The following VPS13B variants were observed in gnomAD, a reference collection of about 807,000 sequenced individuals.
VPS13B encodes vacuolar protein sorting 13 homolog B, also known as intermembrane lipid transfer protein VPS13B.
In VPS13B, 285 loss-of-function variants were observed where a neutral mutation model predicts 426.4. The observed-to-expected ratio is 0.67, with a 90% confidence interval of 0.61 to 0.74. The LOEUF (loss-of-function observed/expected upper bound fraction) is 0.74, where lower values mean the gene tolerates loss of function less well. Ranked by LOEUF, VPS13B falls within the 30% of genes least tolerant of loss-of-function variation. The pLI is 0.00. For synonymous variants in VPS13B, 1,676 were observed against 1,676.4 expected, an observed-to-expected ratio of 1.00 and a Z score of 0.01; for missense variants, 4,537 against 4,782.6, an observed-to-expected ratio of 0.95 and a Z score of 1.51.
At chr8:99,663,659 A>C (rs1309522709) in intron 35 of VPS13B, among the ~76,000 whole-genome samples, 1 of 152,218 alleles carries the variant, frequency 6.6e-6, no homozygotes, top group Non-Finnish European at 1.5e-5. Context: ...AGAGTTGTTC[A>C]CACATGAAAG....
intron 23 of VPS13B, among the ~76,000 whole-genome samples, chr8:99,450,317 T>C (rs888601814): frequency 1.3e-5 from 2 of 152,226 alleles, no homozygotes; most frequent in African/African-American, 4.8e-5. Context: ...TAATGATTCA[T>C]TGTCTATATT....
At chr8:99,030,841 CTTAAT>C (rs1348110170) in intron 2 of VPS13B, among the ~76,000 whole-genome samples, 1 of 151,992 alleles carries the variant, frequency 6.6e-6, no homozygotes, top group Middle Eastern at 3.2e-3. Context: ...ATTTATTAAT[CTTAAT>C]TTTATTAATT....
At chr8:99,093,681 C>T in intron 3 of VPS13B, among the ~76,000 whole-genome samples, 1 of 152,120 alleles carries the variant, frequency 6.6e-6, no homozygotes. Flanking sequence ...TTTCCAATTT[C>T]ATCCATGTCC....
intron 40 of VPS13B, among the ~76,000 whole-genome samples, chr8:99,770,729 G>T (rs897324069): frequency 6.6e-6 from 1 of 152,178 alleles, no homozygotes; most frequent in Non-Finnish European, 1.5e-5. Flanking sequence ...CACCTTGTGG[G>T]TACCTCCCAC....
intron 21 of VPS13B, 71 bp from the exon 22 acceptor site, chr8:99,431,466 A>AG: frequency 1.3e-6 from 2 of 1,554,428 alleles, no homozygotes; most frequent in Non-Finnish European, 1.8e-6. Flanking sequence ...CAATCTTGAA[A>AG]ATACGTTTGG....
At chr8:99,788,294 A>G (rs901210283) in intron 43 of VPS13B, among the ~76,000 whole-genome samples, 2 of 149,948 alleles carry the variant, frequency 1.3e-5, no homozygotes, top group African/African-American at 4.9e-5. Flanking sequence ...ACATACCTGT[A>G]GTTCTAGCTA....
At chr8:99,803,195 A>G (rs895699059) in intron 43 of VPS13B, among the ~76,000 whole-genome samples, 11 of 152,196 alleles carry the variant, frequency 7.2e-5, no homozygotes, top group African/African-American at 2.7e-4. Flanking sequence ...ATTTTTTTAT[A>G]TAAGGATTAC....
chr8:99,349,029 TA>T lies in VPS13B; in HGVS notation c.2825-35178del, dbSNP rs571695466. Among the ~76,000 whole-genome samples, 258 of 152,218 alleles carry T rather than the reference TA, an allele frequency of 1.7e-3. 1 individual carries two copies. Among genetic ancestry groups the T allele is most frequent in the African/African-American group, 6.1e-3 (253 of 41,524 alleles). ...AAATATATTTTTAAAGGATATGAGATATTTTTTATATTTGAAAATAGCGGCC... is the reference window on the plus strand; with the variant it reads ...AAATATATTTTTAAAGGATATGAGATTTTTTTATATTTGAAAATAGCGGCC... On this transcript the variant is annotated intron_variant, in intron 19 of 61. Coordinates refer to ENST00000357162, the MANE Select transcript of VPS13B (RefSeq NM_152564.5).
intron 17 of VPS13B, among the ~76,000 whole-genome samples, chr8:99,257,034 TGAGA>T (rs1418911070): frequency 2.6e-5 from 4 of 152,112 alleles, no homozygotes; most frequent in Non-Finnish European, 4.4e-5. Flanking sequence ...ATTGAATGAA[TGAGA>T]GAGAGAATAA....
At chr8:99,060,763 T>C (rs1289563664) in intron 3 of VPS13B, among the ~76,000 whole-genome samples, 3 of 152,206 alleles carry the variant, frequency 2.0e-5, no homozygotes, top group African/African-American at 7.2e-5. Flanking sequence ...GTTTTAGTTC[T>C]TGTTTGCCAT....
At chr8:99,578,573 A>G (rs1394176433) in intron 33 of VPS13B, among the ~76,000 whole-genome samples, 2 of 152,088 alleles carry the variant, frequency 1.3e-5, no homozygotes, top group Non-Finnish European at 2.9e-5. Flanking sequence ...TTCAATATCT[A>G]TTGTAAAAGG....
At chr8:99,103,246 GA>G (rs1255384432) in intron 5 of VPS13B, 126 bp downstream of exon 5, 16 of 1,074,222 alleles carry the variant, frequency 1.5e-5, no homozygotes, top group Non-Finnish European at 2.1e-5. Flanking sequence ...TCCAGTGTGG[GA>G]AAAAAATGCA....
At chr8:99,156,262 C>G (rs1811354148) in intron 14 of VPS13B, among the ~76,000 whole-genome samples, 1 of 152,066 alleles carries the variant, frequency 6.6e-6, no homozygotes, top group African/African-American at 2.4e-5. Context: ...CATACTGAGG[C>G]ATGTCGTGAT....
intron 17 of VPS13B, among the ~76,000 whole-genome samples, chr8:99,257,460 A>G (rs1817806193): frequency 6.6e-6 from 1 of 152,136 alleles, no homozygotes; most frequent in South Asian, 2.1e-4. Context: ...AAACTAAAGA[A>G]AGGAGAATAA....
At chr8:99,606,049 C>T (rs530771753) in intron 33 of VPS13B, among the ~76,000 whole-genome samples, 2 of 152,204 alleles carry the variant, frequency 1.3e-5, no homozygotes, top group Admixed American at 1.3e-4. Context: ...GCGCATGCCA[C>T]CAAACCTGGC....
chr8:99,277,848 T>C (rs1472686903), intron 19 of VPS13B, among the ~76,000 whole-genome samples: 1 of 152,194 alleles, frequency 6.6e-6, no homozygotes, highest in Non-Finnish European at 1.5e-5. Context: ...TCTAGACCAA[T>C]ACCTGGCACA....
At chr8:99,028,319 G>A (rs1842249214) in intron 2 of VPS13B, among the ~76,000 whole-genome samples, 1 of 150,678 alleles carries the variant, frequency 6.6e-6, no homozygotes, top group Non-Finnish European at 1.5e-5. Context: ...CCTCCCGGAC[G>A]GGGCGGCTGG....
At chr8:99,370,250 A>T (rs937663159) in intron 19 of VPS13B, among the ~76,000 whole-genome samples, 10 of 152,206 alleles carry the variant, frequency 6.6e-5, no homozygotes, top group African/African-American at 2.4e-4. Context: ...CATTATTATA[A>T]ATGTTAATAA....
At chr8:99,787,728 G>A (rs1812336524) in intron 43 of VPS13B, among the ~76,000 whole-genome samples, 1 of 152,164 alleles carries the variant, frequency 6.6e-6, no homozygotes, top group African/African-American at 2.4e-5. Context: ...ACCAGCTATA[G>A]TGACATCTCC....
Sources: gnomAD v4.1 joint callset for allele counts (sites outside exome capture counted in the v4.1 genomes callset) on GRCh38, gnomAD v4.1.1 for gene constraint, MANE v1.5 for transcripts, NCBI Gene and HGNC (gene_info 2026-07-23, HGNC 2026-07-21) for gene names.